Variants in NPRL3 observed in about 807,000 individuals in gnomAD.
NPRL3 encodes NPR3 like, GATOR1 complex subunit.
Under a neutral mutation model 57.2 loss-of-function variants are expected in NPRL3, and 23 were observed. That is an observed-to-expected ratio of 0.40 (90% CI 0.29 to 0.57). NPRL3 has a LOEUF of 0.57. Among genes scored for constraint, NPRL3 ranks in the 20% least tolerant of loss-of-function variants. NPRL3 has a pLI of 0.42. For missense variants in NPRL3, 691 were observed against 767.1 expected (o/e 0.90, Z 1.17); for synonymous variants, 333 against 321.1 (o/e 1.04, Z -0.39).
chr16:125,998 G>A (rs1161540929), intron 3 of NPRL3: 2 of 152,240 alleles, frequency 1.3e-5, no homozygotes, highest in African/African-American at 4.8e-5. Context: ...GCAGCCACAA[G>A]TTGGGTACAC....
chr16:103,932 G>A (rs1402536863), intron 7 of NPRL3, among the ~76,000 whole-genome samples: 1 of 152,144 alleles, frequency 6.6e-6, no homozygotes, highest in African/African-American at 2.4e-5. Flanking sequence ...CTGACCAACA[G>A]GGAGAAACCC....
chr16:106,067 T>A (rs1394088301), intron 7 of NPRL3, among the ~76,000 whole-genome samples: 1 of 152,108 alleles, frequency 6.6e-6, no homozygotes. Flanking sequence ...TCCTAGCACT[T>A]TGGGAGGTCG....
Position 93,339 on chromosome 16 carries a change from G to A in NPRL3, c.925-14C>T. 2 of 1,526,508 alleles carry A rather than the reference G, an allele frequency of 1.3e-6. No homozygotes were observed. Among genetic ancestry groups the A allele is most frequent in the South Asian group, 1.2e-5 (1 of 83,522 alleles). 94.6% of individuals were successfully genotyped at this position (1,526,508 alleles called of 1,614,324 possible). A position where few individuals can be genotyped will look rare whatever the true frequency, so the allele number is the denominator to read the frequency against. ...AAGCTGGAAAACCTGCAGGCAAAAG[G>A]GAAGCTGCAAGGACCATGCCTGAGG... is the stretch of plus-strand genomic sequence containing the variant. On this transcript the variant is annotated splice_polypyrimidine_tract_variant and intron_variant, in intron 9 of 13. Coordinates refer to ENST00000611875, the MANE Select transcript of NPRL3 (RefSeq NM_001077350.3).
intron 7 of NPRL3, among the ~76,000 whole-genome samples, chr16:102,353 G>A (rs1210693806): frequency 1.3e-5 from 2 of 152,114 alleles, no homozygotes; most frequent in South Asian, 2.1e-4. Context: ...CCGCATCCCC[G>A]GAGGCTCCAG....
chr16:96,573 G>A lies in NPRL3; in HGVS notation c.924+1572C>T, dbSNP rs114538200. On this transcript the variant is annotated intron_variant, in intron 9 of 13. Coordinates refer to ENST00000611875, the MANE Select transcript of NPRL3 (RefSeq NM_001077350.3). ...TGCCTGTAATACCAGCCCTTTAGGAGGCCAAGGTGCGATGATCACTTGAGC... is the reference window on the plus strand; with the variant it reads ...TGCCTGTAATACCAGCCCTTTAGGAAGCCAAGGTGCGATGATCACTTGAGC... Among the ~76,000 whole-genome samples the A allele has an allele frequency of 5.5e-3, 821 of 150,286 alleles. 8 individuals are homozygous for A. Among genetic ancestry groups the A allele is most frequent in the African/African-American group, 0.019 (771 of 40,236 alleles).
At chr16:87,519 G>A (rs1301978252) in intron 13 of NPRL3, among the ~76,000 whole-genome samples, 1 of 145,236 alleles carries the variant, frequency 6.9e-6, no homozygotes, top group South Asian at 2.2e-4. Context: ...TTATAACCGT[G>A]AGCCACTGTG....
intron 2 of NPRL3, among the ~76,000 whole-genome samples, chr16:134,327 C>T (rs1029492354): frequency 2.6e-5 from 4 of 151,954 alleles, no homozygotes; most frequent in East Asian, 3.9e-4. Context: ...CACCAAGAGC[C>T]TTCATATACA....
intron 13 of NPRL3, among the ~76,000 whole-genome samples, chr16:88,014 G>A (rs1898573779): frequency 1.3e-5 from 2 of 152,082 alleles, no homozygotes; most frequent in East Asian, 1.9e-4. Context: ...TGGTTCTCTC[G>A]AGGGCCGAGT....
intron 8 of NPRL3, among the ~76,000 whole-genome samples, chr16:99,402 T>C (rs1408026210): frequency 1.3e-5 from 2 of 152,140 alleles, no homozygotes; most frequent in Non-Finnish European, 2.9e-5. Context: ...CCCAGCACTT[T>C]GGCAGGCCGA....
intron 2 of NPRL3, among the ~76,000 whole-genome samples, chr16:130,821 A>G (rs1450327584): frequency 1.3e-5 from 2 of 152,252 alleles, no homozygotes; most frequent in African/African-American, 4.8e-5. Flanking sequence ...AAATGTCTAG[A>G]ACAGGCAAAT....
chr16:134,059 A>G (rs370275283), intron 2 of NPRL3, among the ~76,000 whole-genome samples: 50 of 152,326 alleles, frequency 3.3e-4, no homozygotes, highest in African/African-American at 1.2e-3. Context: ...ATACAATAAT[A>G]ATGAAAAAGT....
At position 103,844 on chromosome 16, in the gene NPRL3, G is replaced by A. The variant is rs192078927; in HGVS notation, c.630-3335C>T. On this transcript the variant is annotated intron_variant, in intron 7 of 13. Transcript: ENST00000611875. ...AAATACAAATATTAGGCCGGGTGCC[G>A]TGGCTCACACCTGTAATCCCAGCAC... is the stretch of plus-strand genomic sequence containing the variant. Among the ~76,000 whole-genome samples the A allele has an allele frequency of 2.0e-3, 303 of 152,284 alleles. 3 individuals carry two copies. The highest frequency in any genetic ancestry group is 6.9e-3 in the African/African-American group (288 of 41,558).
intron 3 of NPRL3, among the ~76,000 whole-genome samples, chr16:120,557 G>A (rs1490357313): frequency 6.6e-6 from 1 of 152,122 alleles, no homozygotes; most frequent in Non-Finnish European, 1.5e-5. Context: ...TCCTGAACTG[G>A]CACGACCCTC....
At chr16:124,197 A>G (rs2541612) in intron 3 of NPRL3, among the ~76,000 whole-genome samples, 12,797 of 152,170 alleles carry the variant, frequency 0.084, 1,789 homozygotes, top group African/African-American at 0.29. Flanking sequence ...GGGTTTTCTC[A>G]CTAAAAGTCA....
At chr16:134,846 C>T (rs1430203257) in intron 2 of NPRL3, among the ~76,000 whole-genome samples, 1 of 150,960 alleles carries the variant, frequency 6.6e-6, no homozygotes, top group Non-Finnish European at 1.5e-5. Context: ...GGACTACAGG[C>T]GCCCGCTACC....
In NPRL3 at chr16:88,668, C is replaced by T. The variant is rs757307534; in HGVS notation, c.1544+30G>A. The T allele has an allele frequency of 4.7e-5, 74 of 1,583,472 alleles. No homozygotes were observed. The Admixed American group carries it at 1.3e-3, about 27-fold the overall frequency. ...TTTCTGCCCTGACCCTGCAACTGGC[C>T]CCAGTCCCAACGGGTCAACCTACAC... On this transcript the variant is annotated intron_variant, in intron 13 of 13. Transcript: ENST00000611875.
At chr16:127,792 C>T (rs1567146821) in intron 3 of NPRL3, among the ~76,000 whole-genome samples, 5 of 150,420 alleles carry the variant, frequency 3.3e-5, no homozygotes. Context: ...GTAGCTGGGA[C>T]TACAGGCGCC....
chr16:129,627 G>A (rs947454494), intron 3 of NPRL3, among the ~76,000 whole-genome samples: 1 of 152,114 alleles, frequency 6.6e-6, no homozygotes, highest in Non-Finnish European at 1.5e-5. Flanking sequence ...GACCAGCCTG[G>A]GCAACAAAGC....
intron 3 of NPRL3, among the ~76,000 whole-genome samples, chr16:129,386 A>C (rs1567147624): frequency 6.6e-6 from 1 of 152,294 alleles, no homozygotes; most frequent in East Asian, 1.9e-4. Flanking sequence ...ACAGGCCTCT[A>C]CATCAAAATG....
Sources: allele counts gnomAD v4.1 joint callset (sites outside exome capture counted in the v4.1 genomes callset), GRCh38; gene constraint gnomAD v4.1.1; transcripts MANE v1.5; gene names NCBI Gene and HGNC (gene_info 2026-07-23, HGNC 2026-07-21).